Variants in CTNNA3 observed in about 807,000 individuals in gnomAD.
CTNNA3 encodes catenin alpha 3, also known as catenin alpha-3.
A neutral mutation model predicts 95.7 loss-of-function variants in CTNNA3; 76 were observed. That is an observed-to-expected ratio of 0.79 (90% CI 0.66 to 0.96). The LOEUF (loss-of-function observed/expected upper bound fraction) is 0.96, where lower values mean the gene tolerates loss of function less well. CTNNA3 is among the 40% of genes least tolerant of loss of function. CTNNA3 has a pLI of 0.00. For missense variants in CTNNA3, 1,191 were observed against 1,089.8 expected (o/e 1.09, Z -1.31); for synonymous variants, 431 against 374.4 (o/e 1.15, Z -1.74).
intron 6 of CTNNA3, among the ~76,000 whole-genome samples, chr10:67,200,264 G>C (rs551108277): frequency 1.3e-5 from 2 of 152,060 alleles, no homozygotes; most frequent in Admixed American, 1.3e-4. Context: ...AAGATCTGGT[G>C]GGGGGAAAGT....
intron 9 of CTNNA3, among the ~76,000 whole-genome samples, chr10:66,650,058 A>G (rs1845841345): frequency 6.6e-6 from 1 of 152,258 alleles, no homozygotes; most frequent in African/African-American, 2.4e-5. Context: ...CAGAAAAAAT[A>G]TCAATAAGTA....
chr10:66,708,751 C>T (rs12220918), intron 9 of CTNNA3, among the ~76,000 whole-genome samples: 4,910 of 152,126 alleles, frequency 0.032, 209 homozygotes, highest in East Asian at 0.22. Context: ...TGTCTCACCA[C>T]CTAGGCAATG....
intron 9 of CTNNA3, among the ~76,000 whole-genome samples, chr10:66,626,736 G>T (rs993667311): frequency 1.3e-5 from 2 of 152,098 alleles, no homozygotes; most frequent in Admixed American, 6.6e-5. Flanking sequence ...AAGAGAGATG[G>T]TAAGAGTAAT....
intron 5 of CTNNA3, among the ~76,000 whole-genome samples, chr10:67,493,358 G>A (rs1838919711): frequency 6.6e-6 from 1 of 151,988 alleles, no homozygotes; most frequent in South Asian, 2.1e-4. Flanking sequence ...TCAGGGAATC[G>A]AGACCATCCT....
rs1485601350 is a variant in CTNNA3 at position 67,405,082 on chromosome 10, C to T, written c.579+116760G>A. 3.9e-5 allele frequency among the ~76,000 whole-genome samples: 6 copies of T among 152,138 alleles called. No individual in the cohort carries two copies. In the East Asian group the frequency reaches 9.6e-4, roughly 24 times the overall value. On this transcript the variant is annotated intron_variant, in intron 5 of 17. Transcript: ENST00000433211. ...AAGCACTAAATATAAAAAGGGAAAA[C>T]TGTTGCCAGCCTCTACAAAAATACA...
At chr10:66,251,040 T>C (rs2090530461) in intron 13 of CTNNA3, among the ~76,000 whole-genome samples, 1 of 152,168 alleles carries the variant, frequency 6.6e-6, no homozygotes, top group Admixed American at 6.5e-5. Flanking sequence ...TGAGAGGTGA[T>C]TCCTGCTCCA....
At chr10:67,248,127 G>A (rs896548354) in intron 5 of CTNNA3, among the ~76,000 whole-genome samples, 1 of 152,076 alleles carries the variant, frequency 6.6e-6, no homozygotes, top group Non-Finnish European at 1.5e-5. Context: ...TTCAAAACCA[G>A]CCTGGGCAAC....
At chr10:67,096,596 A>G (rs533869825) in intron 7 of CTNNA3, among the ~76,000 whole-genome samples, 2 of 151,914 alleles carry the variant, frequency 1.3e-5, no homozygotes, top group African/African-American at 2.4e-5. Context: ...AAATCTGCCT[A>G]CTTTTTAGGA....
intron 11 of CTNNA3, among the ~76,000 whole-genome samples, chr10:66,486,242 G>A (rs1839721356): frequency 6.6e-6 from 1 of 152,112 alleles, no homozygotes. Flanking sequence ...GTACAGCAAG[G>A]AAACAACAGA....
intron 12 of CTNNA3, among the ~76,000 whole-genome samples, chr10:66,289,229 C>T (rs959057256): frequency 1.9e-4 from 29 of 151,282 alleles, no homozygotes; most frequent in Non-Finnish European, 3.1e-4. Flanking sequence ...TTTTATTTTC[C>T]GCATTAGCTG....
At chr10:66,509,017 T>C (rs923131332) in intron 11 of CTNNA3, among the ~76,000 whole-genome samples, 7 of 152,050 alleles carry the variant, frequency 4.6e-5, no homozygotes, top group African/African-American at 1.4e-4. Context: ...TATATAAGAG[T>C]TCCATTTCTT....
At chr10:67,202,124 T>C (rs1303131854) in intron 6 of CTNNA3, among the ~76,000 whole-genome samples, 1 of 152,220 alleles carries the variant, frequency 6.6e-6, no homozygotes, top group African/African-American at 2.4e-5. Flanking sequence ...TTTCGATTGG[T>C]CTCAGAAAAC....
chr10:66,777,122 T>C (rs1223595450), intron 7 of CTNNA3, among the ~76,000 whole-genome samples: 1 of 152,098 alleles, frequency 6.6e-6, no homozygotes, highest in African/African-American at 2.4e-5. Flanking sequence ...ACCTATATTT[T>C]CCCAACAGCA....
intron 13 of CTNNA3, among the ~76,000 whole-genome samples, chr10:66,133,970 C>T (rs146514762): frequency 6.6e-6 from 1 of 152,138 alleles, no homozygotes; most frequent in East Asian, 1.9e-4. Context: ...TTTGGGTAAA[C>T]TCTAGCAAAG....
intron 14 of CTNNA3, among the ~76,000 whole-genome samples, chr10:66,093,242 T>G (rs1299056229): frequency 6.6e-6 from 1 of 152,062 alleles, no homozygotes; most frequent in East Asian, 1.9e-4. Context: ...ACACTAAATT[T>G]AAATTCAAGT....
intron 9 of CTNNA3, among the ~76,000 whole-genome samples, chr10:66,623,157 TG>T (rs1490110201): frequency 1.3e-5 from 2 of 152,114 alleles, no homozygotes; most frequent in African/African-American, 4.8e-5. Context: ...TCACTAAAAG[TG>T]AAACTTGACA....
At chr10:66,492,905 T>C (rs928565019) in intron 11 of CTNNA3, among the ~76,000 whole-genome samples, 1 of 152,200 alleles carries the variant, frequency 6.6e-6, no homozygotes, top group African/African-American at 2.4e-5. Flanking sequence ...TCTGCATTTT[T>C]TTCCTGTCAT....
At chr10:66,456,216 TA>T (rs1222425913) in intron 11 of CTNNA3, among the ~76,000 whole-genome samples, 1 of 152,150 alleles carries the variant, frequency 6.6e-6, no homozygotes, top group Non-Finnish European at 1.5e-5. Context: ...TCAAAGGAAT[TA>T]TCATAGCTGA....
chr10:66,852,967 T>A (rs10822930), intron 7 of CTNNA3, among the ~76,000 whole-genome samples: 87,753 of 151,966 alleles, frequency 0.58, 26,368 homozygotes, highest in Non-Finnish European at 0.63. Flanking sequence ...ATAGTTAGAG[T>A]TTAAGACAGA....
Sources: gnomAD v4.1 joint callset for allele counts (sites outside exome capture counted in the v4.1 genomes callset) on GRCh38, gnomAD v4.1.1 for gene constraint, MANE v1.5 for transcripts, NCBI Gene and HGNC (gene_info 2026-07-23, HGNC 2026-07-21) for gene names.